NTRK3: variants seen among roughly 807,000 people sequenced by gnomAD.
NTRK3 encodes the protein neurotrophic receptor tyrosine kinase 3, also known as NT-3 growth factor receptor.
Under a neutral mutation model 91.7 loss-of-function variants are expected in NTRK3, and 24 were observed. That is an observed-to-expected ratio of 0.26 (90% CI 0.19 to 0.37). The LOEUF (loss-of-function observed/expected upper bound fraction) is 0.37, where lower values mean the gene tolerates loss of function less well. Among genes scored for constraint, NTRK3 ranks in the 10% least tolerant of loss-of-function variants. The pLI is 1.00. For synonymous variants in NTRK3, 483 were observed against 404.0 expected, an observed-to-expected ratio of 1.20 and a Z score of -2.34; for missense variants, 880 against 1,068.9, an observed-to-expected ratio of 0.82 and a Z score of 2.46.
intron 17 of NTRK3, among the ~76,000 whole-genome samples, chr15:87,895,118 A>C (rs2066047189): frequency 6.6e-6 from 1 of 152,168 alleles, no homozygotes; most frequent in African/African-American, 2.4e-5. Flanking sequence ...GTAGCTAATA[A>C]ACACACAGGG....
chr15:88,081,071 G>C (rs1357400547), intron 13 of NTRK3, among the ~76,000 whole-genome samples: 1 of 152,222 alleles, frequency 6.6e-6, no homozygotes, highest in African/African-American at 2.4e-5. Context: ...GCTGTGTATA[G>C]TTCACTTCTA....
intron 13 of NTRK3, among the ~76,000 whole-genome samples, chr15:88,123,725 A>C (rs1250751266): frequency 6.6e-6 from 1 of 152,210 alleles, no homozygotes. Context: ...AACTGGAAGC[A>C]GGGGCTTCCA....
At chr15:87,956,541 T>C (rs1027742861) in intron 14 of NTRK3, among the ~76,000 whole-genome samples, 9 of 151,568 alleles carry the variant, frequency 5.9e-5, no homozygotes, top group African/African-American at 1.9e-4. Flanking sequence ...CCCGAAGTGC[T>C]AGGATTACAG....
chr15:88,041,603 C>T (rs1474212558), intron 13 of NTRK3, among the ~76,000 whole-genome samples: 1 of 152,156 alleles, frequency 6.6e-6, no homozygotes, highest in Non-Finnish European at 1.5e-5. Flanking sequence ...CCCACTCAGC[C>T]CCAGTCCCTC....
chr15:88,246,419 C>T (rs1598161017), intron 3 of NTRK3, among the ~76,000 whole-genome samples: 1 of 152,086 alleles, frequency 6.6e-6, no homozygotes, highest in African/African-American at 2.4e-5. Flanking sequence ...ACTTGTCGTC[C>T]GGTAATTTCC....
intron 14 of NTRK3, among the ~76,000 whole-genome samples, chr15:87,944,673 C>G (rs2070259327): frequency 6.6e-6 from 1 of 152,216 alleles, no homozygotes. Flanking sequence ...CCATCTTCCA[C>G]TACTCAACTT....
At chr15:87,863,893 G>C (rs1176265304) in exon 19 of NTRK3, 1 of 231,628 alleles carries the variant, frequency 4.3e-6, no homozygotes, top group Non-Finnish European at 8.5e-6. Flanking sequence ...AAAATAAACA[G>C]GGCATCTATT....
At chr15:88,116,536 G>A (rs2052096916) in intron 13 of NTRK3, among the ~76,000 whole-genome samples, 1 of 152,120 alleles carries the variant, frequency 6.6e-6, no homozygotes, top group Non-Finnish European at 1.5e-5. Flanking sequence ...CTGGCACTCA[G>A]GAAAAAACAA....
In NTRK3 at chr15:87,859,960, A is replaced by G. The variant is rs530933338; in HGVS notation, c.*16975T>C. On this transcript the variant is annotated 3_prime_UTR_variant, in exon 19 of 19. Transcript: ENST00000394480. ...ATTGAAGATGGATATATACATATAT[A>G]CATGTACATGTGCATATACATACCT... 33 of 190,970 alleles carry G rather than the reference A, an allele frequency of 1.7e-4. 2 individuals are homozygous for G. The South Asian group carries it at 6.2e-3, about 36-fold the overall frequency. 11.8% of individuals were successfully genotyped at this position (190,970 alleles called of 1,614,324 possible).
chr15:88,191,372 G>C (rs919573403), intron 3 of NTRK3, among the ~76,000 whole-genome samples: 1 of 152,168 alleles, frequency 6.6e-6, no homozygotes, highest in Non-Finnish European at 1.5e-5. Flanking sequence ...ATTTTTAGTA[G>C]AGACAGGGTT....
At chr15:88,151,228 C>T (rs2043346570) in intron 5 of NTRK3, among the ~76,000 whole-genome samples, 1 of 152,156 alleles carries the variant, frequency 6.6e-6, no homozygotes, top group African/African-American at 2.4e-5. Flanking sequence ...TATCTCTCGC[C>T]TGAGACTACC....
intron 5 of NTRK3, among the ~76,000 whole-genome samples, chr15:88,160,753 C>T (rs1012117162): frequency 3.3e-5 from 5 of 152,184 alleles, no homozygotes; most frequent in Admixed American, 6.5e-5. Flanking sequence ...AAAGCCCCAT[C>T]CAAGTGTATG....
intron 3 of NTRK3, among the ~76,000 whole-genome samples, chr15:88,193,901 C>A (rs561390823): frequency 2.9e-4 from 44 of 152,320 alleles, no homozygotes; most frequent in African/African-American, 1.1e-3. Context: ...CTCTTTATGG[C>A]AAATGGTTTA....
chr15:88,057,060 A>G, intron 13 of NTRK3, among the ~76,000 whole-genome samples: 1 of 150,086 alleles, frequency 6.7e-6, no homozygotes, highest in African/African-American at 2.5e-5. Flanking sequence ...TCCCAGCTAC[A>G]CGGGAGGCTG....
intron 17 of NTRK3, among the ~76,000 whole-genome samples, chr15:87,923,624 G>A (rs2068052763): frequency 6.6e-6 from 1 of 152,174 alleles, no homozygotes. Context: ...ATCTAGGTAA[G>A]CCTTGTCCAT....
chr15:87,916,270 T>A (rs562560693), intron 17 of NTRK3: 3 of 340,016 alleles, frequency 8.8e-6, no homozygotes, highest in African/African-American at 6.2e-5. Context: ...TATGGAAATT[T>A]ATGTATCTTT....
intron 5 of NTRK3, among the ~76,000 whole-genome samples, chr15:88,165,378 C>T (rs888221774): frequency 1.3e-5 from 2 of 152,170 alleles, no homozygotes; most frequent in African/African-American, 4.8e-5. Flanking sequence ...CCAAACTCAA[C>T]TCATTATTTC....
At chr15:88,033,124 AACT>A in intron 13 of NTRK3, 79 bp from the exon 14 acceptor site, 1 of 1,316,928 alleles carries the variant, frequency 7.6e-7, no homozygotes, top group Non-Finnish European at 1.0e-6. Flanking sequence ...GACAACCCCC[AACT>A]ACTGTTCCCA....
chr15:87,893,014 A>C (rs942053202), intron 17 of NTRK3, among the ~76,000 whole-genome samples: 3 of 152,236 alleles, frequency 2.0e-5, no homozygotes, highest in African/African-American at 7.2e-5. Flanking sequence ...CATTGAATGC[A>C]ACTATTCAAA....
Sources: allele counts gnomAD v4.1 joint callset (sites outside exome capture counted in the v4.1 genomes callset), GRCh38; gene constraint gnomAD v4.1.1; transcripts MANE v1.5; gene names NCBI Gene and HGNC (gene_info 2026-07-23, HGNC 2026-07-21).